HDAC8: variants seen among roughly 807,000 people sequenced by gnomAD.
HDAC8 encodes histone deacetylase-like 1.
HDAC8 carries 1 observed loss-of-function variant against 32.2 expected under a neutral mutation model. That is an observed-to-expected ratio of 0.03 (90% CI 0.01 to 0.15). The LOEUF (loss-of-function observed/expected upper bound fraction) is 0.15. HDAC8 is among the 10% of genes least tolerant of loss of function. The probability of loss-of-function intolerance (pLI) is 1.00; values close to 1 mark genes in which losing one functional copy is unlikely to be tolerated. For missense variants in HDAC8, 117 were observed against 300.0 expected (o/e 0.39, Z 4.51); for synonymous variants, 108 against 113.9 (o/e 0.95, Z 0.33).
chrX:72,478,051 C>G (rs1198952590), intron 7 of HDAC8, among the ~76,000 whole-genome samples: 1 of 112,689 alleles, frequency 8.9e-6, no homozygotes, highest in Non-Finnish European at 1.9e-5. Flanking sequence ...TCATTCTTCC[C>G]TGAGGAAATA....
At chrX:72,502,260 C>T (rs73218360) in intron 4 of HDAC8, among the ~76,000 whole-genome samples, 3,696 of 111,923 alleles carry the variant, frequency 0.033, 73 homozygotes, top group Non-Finnish European at 0.049. Flanking sequence ...ACTCAGCAAT[C>T]CCACTACTGT....
chrX:72,403,606 C>T (rs1555968042), intron 9 of HDAC8, among the ~76,000 whole-genome samples: 1 of 112,329 alleles, frequency 8.9e-6, no homozygotes, highest in Non-Finnish European at 1.9e-5. Context: ...GCGGGAGGAT[C>T]ACCTGAGGTC....
intron 4 of HDAC8, among the ~76,000 whole-genome samples, chrX:72,548,672 C>A (rs1470808082): frequency 9.4e-6 from 1 of 106,258 alleles, no homozygotes; most frequent in Non-Finnish European, 1.9e-5. Flanking sequence ...GTTTCTCAAC[C>A]ATTTCTCTTC....
chrX:72,481,802 G>A (rs1556003334), intron 7 of HDAC8, among the ~76,000 whole-genome samples: 1 of 109,150 alleles, frequency 9.2e-6, no homozygotes, highest in Non-Finnish European at 1.9e-5. Flanking sequence ...TAGAGACGGG[G>A]TTTTATTATG....
At chrX:72,514,603 A>G (rs1469808567) in intron 4 of HDAC8, among the ~76,000 whole-genome samples, 1 of 112,129 alleles carries the variant, frequency 8.9e-6, no homozygotes, top group Non-Finnish European at 1.9e-5. Context: ...TAAAGTGAGT[A>G]GAGAGTGGGC....
chrX:72,500,236 T>G (rs74386862), intron 4 of HDAC8, among the ~76,000 whole-genome samples: 9 of 111,707 alleles, frequency 8.1e-5, no homozygotes, highest in African/African-American at 2.9e-4. Context: ...CTGAAACTAT[T>G]CCAAAAAATT....
At chrX:72,503,086 T>A (rs1403123637) in intron 4 of HDAC8, among the ~76,000 whole-genome samples, 1 of 112,145 alleles carries the variant, frequency 8.9e-6, no homozygotes, top group Non-Finnish European at 1.9e-5. Flanking sequence ...TGATCAGCAA[T>A]AAGTTAACCA....
At chrX:72,440,510 C>T (rs782228280) in intron 9 of HDAC8, among the ~76,000 whole-genome samples, 3 of 111,313 alleles carry the variant, frequency 2.7e-5, no homozygotes, top group South Asian at 3.8e-4. Context: ...CACAAAAAAC[C>T]CTTCAAAAAA....
chrX:72,452,538 C>G (rs1236249646), intron 9 of HDAC8, among the ~76,000 whole-genome samples: 1 of 111,666 alleles, frequency 9.0e-6, no homozygotes. Context: ...TTGAAGAGAT[C>G]TCACTGAATA....
intron 9 of HDAC8, among the ~76,000 whole-genome samples, chrX:72,433,289 A>T (rs2147954989): frequency 9.0e-6 from 1 of 111,371 alleles, no homozygotes; most frequent in South Asian, 3.8e-4. Context: ...GCTGCTCAGC[A>T]TCCTATAATG....
intron 9 of HDAC8, among the ~76,000 whole-genome samples, chrX:72,433,440 G>A (rs1450535568): frequency 1.8e-5 from 2 of 112,379 alleles, no homozygotes; most frequent in South Asian, 7.4e-4. Context: ...ATGGGTGTTA[G>A]TGTTCTAGAG....
chrX:72,553,019 T>C (rs1449333670), intron 4 of HDAC8, among the ~76,000 whole-genome samples: 1 of 110,722 alleles, frequency 9.0e-6, no homozygotes, highest in Non-Finnish European at 1.9e-5. Context: ...TTTTTCTATT[T>C]ATGCAGTTGT....
intron 10 of HDAC8, among the ~76,000 whole-genome samples, chrX:72,341,688 T>A (rs2043892345): frequency 9.0e-6 from 1 of 111,696 alleles, no homozygotes. Flanking sequence ...AGATTAAGAA[T>A]CACCACCTCA....
At chrX:72,494,650 G>C (rs2048967908) in intron 5 of HDAC8, among the ~76,000 whole-genome samples, 1 of 111,513 alleles carries the variant, frequency 9.0e-6, no homozygotes, top group Admixed American at 9.5e-5. Context: ...TAAATGTTAG[G>C]GAAGATGTCC....
intron 7 of HDAC8, among the ~76,000 whole-genome samples, chrX:72,468,418 CTG>C (rs1319131310): frequency 1.8e-5 from 2 of 111,282 alleles, no homozygotes; most frequent in Non-Finnish European, 3.8e-5. Context: ...GAAGAAAACA[CTG>C]TGCCAATTCC....
At chrX:72,570,347 G>A (rs1556148772) in intron 2 of HDAC8, among the ~76,000 whole-genome samples, 1 of 111,847 alleles carries the variant, frequency 8.9e-6, no homozygotes, top group African/African-American at 3.3e-5. Flanking sequence ...GGACAGTTTT[G>A]CTTTGCTTTG....
intron 9 of HDAC8, among the ~76,000 whole-genome samples, chrX:72,390,711 C>T (rs2984296): frequency 0.25 from 27,575 of 110,851 alleles, 6,139 homozygotes; most frequent in East Asian, 0.76. Flanking sequence ...AGAAGTATAT[C>T]TTTAATATGT....
intron 9 of HDAC8, among the ~76,000 whole-genome samples, chrX:72,445,975 C>T (rs2047378140): frequency 8.9e-6 from 1 of 112,150 alleles, no homozygotes; most frequent in Admixed American, 9.4e-5. Context: ...CAAATCAAAA[C>T]CACAATGAGA....
At chrX:72,348,782 C>T (rs1224125682) in intron 10 of HDAC8, among the ~76,000 whole-genome samples, 2 of 111,740 alleles carry the variant, frequency 1.8e-5, no homozygotes, top group African/African-American at 6.5e-5. Context: ...TTCCTATACA[C>T]GGCATCACCT....
Sources: gnomAD v4.1 joint callset for allele counts (sites outside exome capture counted in the v4.1 genomes callset) on GRCh38, gnomAD v4.1.1 for gene constraint, MANE v1.5 for transcripts, NCBI Gene and HGNC (gene_info 2026-07-23, HGNC 2026-07-21) for gene names.